The following CTNNA2 variants were observed in gnomAD, a reference collection of about 807,000 sequenced individuals.
CTNNA2 encodes catenin alpha 2.
CTNNA2 carries 42 observed loss-of-function variants against 101.0 expected under a neutral mutation model. The observed-to-expected ratio is 0.42, with a 90% CI of 0.32 to 0.54. The LOEUF is 0.54. CTNNA2 is among the 20% of genes least tolerant of loss of function. The pLI, the probability that CTNNA2 is intolerant of heterozygous loss-of-function variation, is 0.14. For missense variants in CTNNA2, 871 were observed against 1,223.1 expected (o/e 0.71, Z 4.29); for synonymous variants, 450 against 456.4 (o/e 0.99, Z 0.18).
intron 2 of CTNNA2, among the ~76,000 whole-genome samples, chr2:79,204,881 A>G (rs1354006321): frequency 6.6e-6 from 1 of 152,252 alleles, no homozygotes; most frequent in Non-Finnish European, 1.5e-5. Flanking sequence ...CCTTGAGGGC[A>G]GAGCCCTCAT....
chr2:79,239,993 C>T (rs1241572331), intron 2 of CTNNA2, among the ~76,000 whole-genome samples: 1 of 148,644 alleles, frequency 6.7e-6, no homozygotes, highest in Non-Finnish European at 1.5e-5. Context: ...AGTGCAACCT[C>T]AGCCTCCCGG....
chr2:79,488,705 G>A (rs1304495866), intron 4 of CTNNA2, among the ~76,000 whole-genome samples: 1 of 152,052 alleles, frequency 6.6e-6, no homozygotes, highest in Non-Finnish European at 1.5e-5. Context: ...TCTTCTCAAT[G>A]AACAATTTCT....
intron 8 of CTNNA2, among the ~76,000 whole-genome samples, chr2:80,403,314 G>A (rs570089704): frequency 2.1e-4 from 32 of 152,200 alleles, no homozygotes; most frequent in African/African-American, 6.7e-4. Flanking sequence ...AAGTTCCCCC[G>A]CAAAGTCTCA....
At chr2:79,559,571 C>T (rs1248109629) in intron 1 of CTNNA2, among the ~76,000 whole-genome samples, 1 of 151,772 alleles carries the variant, frequency 6.6e-6, no homozygotes, top group Non-Finnish European at 1.5e-5. Context: ...AAGCTGAAAC[C>T]AGGCTTTCAA....
Position 79,907,332 on chromosome 2 carries a change from T to TATAC in CTNNA2, c.853-2261_853-2260insTACA, listed in dbSNP as rs1553399966. 2.6e-4 allele frequency among the ~76,000 whole-genome samples: 38 copies of TATAC among 147,482 alleles called. 1 individual carries two copies. The East Asian group carries it at 2.7e-3, about 11-fold the overall frequency. ...ACGTATATTATATGGATTATATATA[T>TATAC]ACACACACACACACACACATACATA... is the stretch of plus-strand genomic sequence containing the variant. On this transcript the variant is annotated intron_variant, in intron 6 of 18. Coordinates refer to ENST00000402739, the MANE Select transcript of CTNNA2 (RefSeq NM_001282597.3).
intron 4 of CTNNA2, among the ~76,000 whole-genome samples, chr2:79,454,113 T>C (rs1230271746): frequency 6.6e-6 from 1 of 152,140 alleles, no homozygotes; most frequent in Non-Finnish European, 1.5e-5. Flanking sequence ...AAAGGATTCG[T>C]GAATGTGTGT....
intron 1 of CTNNA2, among the ~76,000 whole-genome samples, chr2:79,608,376 T>C (rs867466844): frequency 5.9e-5 from 9 of 152,082 alleles, no homozygotes; most frequent in Non-Finnish European, 1.2e-4. Context: ...TCTTACAGAA[T>C]TGAAGATAAG....
chr2:79,684,406 T>G (rs1190684715), intron 2 of CTNNA2, among the ~76,000 whole-genome samples: 1 of 152,184 alleles, frequency 6.6e-6, no homozygotes, highest in Non-Finnish European at 1.5e-5. Flanking sequence ...ACCTATAGTG[T>G]GAAAAACTGT....
chr2:79,289,558 C>G (rs1228459113), intron 2 of CTNNA2, among the ~76,000 whole-genome samples: 3 of 151,902 alleles, frequency 2.0e-5, no homozygotes, highest in African/African-American at 4.8e-5. Flanking sequence ...CCAGCCTGAC[C>G]AACATGCGAA....
rs527575880 is a variant in CTNNA2, at chr2:79,946,780, T to C, written c.1056+36983T>C. On this transcript the variant is annotated intron_variant, in intron 7 of 18. Coordinates refer to ENST00000402739, the MANE Select transcript of CTNNA2 (RefSeq NM_001282597.3). ...AGGGGTGCCCATTGGGAGCATATAG[T>C]TGAAGTGAATTGACAGAGATTTATT... Among the ~76,000 whole-genome samples, 27 of 152,246 alleles carry C rather than the reference T, an allele frequency of 1.8e-4. No homozygotes were observed. The Middle Eastern group carries it at 0.01, about 58-fold the overall frequency.
intron 3 of CTNNA2, among the ~76,000 whole-genome samples, chr2:79,820,628 A>G (rs986786026): frequency 6.6e-6 from 1 of 152,234 alleles, no homozygotes; most frequent in Non-Finnish European, 1.5e-5. Flanking sequence ...GTGTTCACAT[A>G]ATTTTATTGA....
chr2:79,552,113 C>T (rs1674142129), intron 1 of CTNNA2, among the ~76,000 whole-genome samples: 1 of 152,108 alleles, frequency 6.6e-6, no homozygotes, highest in Admixed American at 6.5e-5. Flanking sequence ...TCCCTTCTGC[C>T]TATGAGCCTG....
At chr2:79,592,503 T>G (rs1445592619) in intron 1 of CTNNA2, among the ~76,000 whole-genome samples, 1 of 152,102 alleles carries the variant, frequency 6.6e-6, no homozygotes, top group Admixed American at 6.6e-5. Context: ...TTTTTTATAG[T>G]GAAATTTTTC....
intron 18 of CTNNA2, among the ~76,000 whole-genome samples, chr2:80,645,023 A>G (rs1271903272): frequency 1.3e-5 from 2 of 152,280 alleles, no homozygotes; most frequent in East Asian, 1.9e-4. Context: ...TCTTCAGATC[A>G]GCTCAATTCT....
intron 4 of CTNNA2, among the ~76,000 whole-genome samples, chr2:79,474,682 T>A (rs902222611): frequency 5.3e-5 from 8 of 152,220 alleles, no homozygotes; most frequent in African/African-American, 1.7e-4. Flanking sequence ...ATGCCTATAA[T>A]GTCTAAGTCA....
At chr2:80,518,501 A>T (rs940590455) in intron 9 of CTNNA2, among the ~76,000 whole-genome samples, 1 of 152,132 alleles carries the variant, frequency 6.6e-6, no homozygotes, top group Admixed American at 6.5e-5. Context: ...AAATGCACAG[A>T]AGTTATATTC....
intron 1 of CTNNA2, among the ~76,000 whole-genome samples, chr2:79,190,683 A>T (rs572472608): frequency 6.6e-6 from 1 of 152,304 alleles, no homozygotes; most frequent in East Asian, 1.9e-4. Flanking sequence ...TGGGAAAATG[A>T]TGGCTTGACG....
At chr2:79,295,898 T>C (rs904513002) in intron 2 of CTNNA2, among the ~76,000 whole-genome samples, 1 of 151,346 alleles carries the variant, frequency 6.6e-6, no homozygotes, top group East Asian at 2.1e-4. Flanking sequence ...TCAACAAAAT[T>C]GTGGGGAAAT....
Position 79,706,800 on chromosome 2 carries a change from G to A in CTNNA2, c.103-37587G>A. The stretch of plus-strand genomic sequence containing the variant: ...TTACAGACATTGAGTGGGCATTCTT[G>A]TGATATTTTATATTTTTGGAGCTGT... On this transcript the variant is annotated intron_variant, in intron 2 of 18. Coordinates refer to ENST00000402739, the MANE Select transcript of CTNNA2 (RefSeq NM_001282597.3). Among the ~76,000 whole-genome samples, 2 of 152,050 alleles carry A rather than the reference G, an allele frequency of 1.3e-5. 1 individual carries two copies. Among genetic ancestry groups the A allele is most frequent in the East Asian group, 3.9e-4 (2 of 5,172 alleles).
Sources: allele counts gnomAD v4.1 joint callset (sites outside exome capture counted in the v4.1 genomes callset), GRCh38; gene constraint gnomAD v4.1.1; transcripts MANE v1.5; gene names NCBI Gene and HGNC (gene_info 2026-07-23, HGNC 2026-07-21).